Variants in TLE4 observed in about 807,000 individuals in gnomAD.
TLE4 encodes transducin-like enhancer protein 4.
Under a neutral mutation model 92.8 loss-of-function variants are expected in TLE4, and 8 were observed. The ratio of observed to expected loss-of-function variants is 0.09; its 90% CI spans 0.05 to 0.16. The LOEUF is 0.16. TLE4 is among the 10% of genes least tolerant of loss of function. The probability of loss-of-function intolerance (pLI) is 1.00; values close to 1 mark genes in which losing one functional copy is unlikely to be tolerated. For missense variants in TLE4, 675 were observed against 997.6 expected (o/e 0.68, Z 4.36); for synonymous variants, 371 against 374.1 (o/e 0.99, Z 0.10).
chr9:79,671,261 C>T, intron 8 of TLE4: 1 of 456,400 alleles, frequency 2.2e-6, no homozygotes, highest in Non-Finnish European at 4.4e-6. Flanking sequence ...AGAGGAAGAA[C>T]CTTCTGGGTT....
At chr9:79,635,286 C>A (rs2055434695) in intron 6 of TLE4, among the ~76,000 whole-genome samples, 1 of 151,638 alleles carries the variant, frequency 6.6e-6, no homozygotes, top group African/African-American at 2.4e-5. Flanking sequence ...CAAATCTTTG[C>A]CTCTTTTTTT....
intron 8 of TLE4, among the ~76,000 whole-genome samples, chr9:79,670,098 CAA>C (rs1189378032): frequency 1.3e-5 from 2 of 150,756 alleles, no homozygotes; most frequent in Admixed American, 6.6e-5. Flanking sequence ...GTTTATTACT[CAA>C]GAGAGGAGGT....
intron 4 of TLE4, among the ~76,000 whole-genome samples, chr9:79,583,145 C>A (rs2040143898): frequency 1.3e-5 from 2 of 152,192 alleles, no homozygotes; most frequent in African/African-American, 4.8e-5. Flanking sequence ...AATCTATATA[C>A]CCTCTCTCTT....
In TLE4 at chr9:79,709,688, A is replaced by G. The variant is rs750341921; in HGVS notation, c.1329A>G (p.Pro443=). Residue 443 remains proline (P), a synonymous_variant, in exon 14 of 20, where the codon CCA becomes CCG. Transcript: ENST00000376552. ...PAIPPNLTGI[P]GGKPAYSFHV... is the part of the protein sequence containing the mutation. The stretch of plus-strand genomic sequence containing the variant: ...TACCTCCAAACCTGACAGGCATTCC[A>G]GGAGGAAAACCGTGAGTACCTTTTT... 6.2e-7 allele frequency: 1 copy of G among 1,614,106 alleles called. No individual in the cohort carries two copies. Among genetic ancestry groups the G allele is most frequent in the South Asian group, 1.1e-5 (1 of 91,056 alleles).
intron 5 of TLE4, among the ~76,000 whole-genome samples, chr9:79,612,945 G>A (rs969301308): frequency 4.6e-5 from 7 of 152,116 alleles, no homozygotes; most frequent in African/African-American, 1.7e-4. Flanking sequence ...GTTGGGCTAA[G>A]CAAAATTCAG....
chr9:79,692,928 A>G (rs1054664389), intron 8 of TLE4, among the ~76,000 whole-genome samples: 1 of 152,194 alleles, frequency 6.6e-6, no homozygotes, highest in African/African-American at 2.4e-5. Context: ...TAGGCGAAAT[A>G]TCCTTATCTC....
At chr9:79,696,086 A>G (rs2068187073) in intron 8 of TLE4, among the ~76,000 whole-genome samples, 1 of 152,226 alleles carries the variant, frequency 6.6e-6, no homozygotes, top group Non-Finnish European at 1.5e-5. Flanking sequence ...CAATGTGGCC[A>G]GTCCAAATTG....
At chr9:79,617,052 G>A (rs543729564) in intron 5 of TLE4, among the ~76,000 whole-genome samples, 2 of 152,276 alleles carry the variant, frequency 1.3e-5, no homozygotes, top group East Asian at 1.9e-4. Flanking sequence ...CAGGGAAATA[G>A]ATTCTATTTC....
chr9:79,582,127 A>AG (rs933824494), intron 4 of TLE4, among the ~76,000 whole-genome samples: 1 of 152,076 alleles, frequency 6.6e-6, no homozygotes, highest in African/African-American at 2.4e-5. Flanking sequence ...GGGCTTTTGA[A>AG]GGGGGAAGCT....
chr9:79,633,580 CT>C (rs1345012095), intron 6 of TLE4, among the ~76,000 whole-genome samples: 1 of 152,018 alleles, frequency 6.6e-6, no homozygotes, highest in African/African-American at 2.4e-5. Flanking sequence ...GCTCGGCAGG[CT>C]GAGCTTATGC....
intron 8 of TLE4, among the ~76,000 whole-genome samples, chr9:79,700,217 A>C (rs570228558): frequency 1.3e-5 from 2 of 152,346 alleles, no homozygotes; most frequent in South Asian, 4.1e-4. Context: ...ACTAAGCAAC[A>C]TCCCTTACGG....
chr9:79,665,690 G>C (rs775344565), intron 8 of TLE4, among the ~76,000 whole-genome samples: 9 of 152,180 alleles, frequency 5.9e-5, no homozygotes, highest in Admixed American at 1.3e-4. Context: ...TGTTTTGTAG[G>C]AATCGGCAAA....
intron 5 of TLE4, among the ~76,000 whole-genome samples, chr9:79,622,006 C>T (rs912673873): frequency 1.3e-5 from 2 of 152,202 alleles, no homozygotes; most frequent in Non-Finnish European, 2.9e-5. Flanking sequence ...CCAGATCCAT[C>T]TTACTCAAAT....
At chr9:79,609,606 C>G (rs1398918970) in intron 4 of TLE4, among the ~76,000 whole-genome samples, 4 of 152,014 alleles carry the variant, frequency 2.6e-5, no homozygotes, top group Admixed American at 2.0e-4. Context: ...GTGTGGCTGT[C>G]AGTATGATCT....
intron 4 of TLE4, among the ~76,000 whole-genome samples, chr9:79,577,158 G>A (rs545525939): frequency 2.2e-4 from 33 of 152,182 alleles, no homozygotes; most frequent in African/African-American, 6.5e-4. Flanking sequence ...CCTATTTATG[G>A]TCAAGGTGGA....
rs773801480 is a variant in TLE4, at chr9:79,574,853, G to A, written c.144-20G>A. On this transcript the variant is annotated intron_variant, in intron 2 of 19. Transcript: ENST00000376552. ...GTAAGTTAAGATCATTGTACTTAGA[G>A]TATCTTATGTCTTGAACAGTCTGAA... The A allele has an allele frequency of 1.9e-6, 3 of 1,604,894 alleles. No homozygotes were observed. Among genetic ancestry groups the A allele is most frequent in the Non-Finnish European group, 2.6e-6 (3 of 1,172,524 alleles).
rs1269211120 is a variant in TLE4 at position 79,708,577 on chromosome 9, C to A, written c.1070-16C>A. 1.3e-6 allele frequency: 2 copies of A among 1,598,736 alleles called. No homozygotes were observed. Among genetic ancestry groups the A allele is most frequent in the African/African-American group, 2.7e-5 (2 of 74,262 alleles). On this transcript the variant is annotated splice_polypyrimidine_tract_variant and intron_variant, in intron 12 of 19. Transcript: ENST00000376552. ...CCTGTGTTCTTCATTTTTCTTCCAT[C>A]CATTTTGGTTTGCAGCCTCAAGCCT...
chr9:79,610,234 T>C (rs973599636), intron 4 of TLE4, among the ~76,000 whole-genome samples: 2 of 152,034 alleles, frequency 1.3e-5, no homozygotes, highest in Admixed American at 1.3e-4. Flanking sequence ...ATGACAAATA[T>C]CAATGGTGAC....
intron 4 of TLE4, among the ~76,000 whole-genome samples, chr9:79,577,768 T>C (rs1396184773): frequency 1.3e-5 from 2 of 152,208 alleles, no homozygotes; most frequent in African/African-American, 4.8e-5. Flanking sequence ...CTTCTGTATC[T>C]TGTTTACCCT....
Sources: allele counts gnomAD v4.1 joint callset (sites outside exome capture counted in the v4.1 genomes callset), GRCh38; gene constraint gnomAD v4.1.1; transcripts MANE v1.5; gene names NCBI Gene and HGNC (gene_info 2026-07-23, HGNC 2026-07-21).